DENND2B: variants seen among roughly 807,000 people sequenced by gnomAD.
DENND2B encodes DENN domain-containing protein 2B.
In DENND2B, 32 loss-of-function variants were observed where a neutral mutation model predicts 116.0. The observed-to-expected ratio is 0.28, with a 90% CI of 0.21 to 0.37. DENND2B has a LOEUF of 0.37. DENND2B is among the 10% of genes least tolerant of loss of function. DENND2B has a pLI of 1.00. For missense variants in DENND2B, 1,276 were observed against 1,477.7 expected, an observed-to-expected ratio of 0.86 and a Z score of 2.24; for synonymous variants, 588 against 583.9, an observed-to-expected ratio of 1.01 and a Z score of -0.10.
intron 1 of DENND2B, chr11:8,771,619 G>C (rs1440049069): frequency 2.7e-5 from 4 of 146,444 alleles, no homozygotes; most frequent in Admixed American, 6.9e-5. Flanking sequence ...ATTTCCTGAG[G>C]GATGGGGGTG....
intron 1 of DENND2B, among the ~76,000 whole-genome samples, chr11:8,772,128 TAC>T (rs143227157): frequency 0.37 from 54,649 of 147,032 alleles, 10,579 homozygotes; most frequent in Non-Finnish European, 0.43. Context: ...ATGGAAGCTC[TAC>T]ACACACACAC....
chr11:8,811,595 T>G, upstream of DENND2B: 1 of 360,642 alleles, frequency 2.8e-6, no homozygotes, highest in Admixed American at 4.7e-5. Flanking sequence ...ATCCTGTCCC[T>G]TCCTCTCCCC....
chr11:8,890,498 G>T (rs2064017922), intron 1 of DENND2B, among the ~76,000 whole-genome samples: 1 of 152,094 alleles, frequency 6.6e-6, no homozygotes, highest in Non-Finnish European at 1.5e-5. Flanking sequence ...CTTGAAAAAA[G>T]ATTAGACGAA....
intron 1 of DENND2B, among the ~76,000 whole-genome samples, chr11:8,897,074 C>CA (rs2064111129): frequency 6.8e-6 from 1 of 147,524 alleles, no homozygotes; most frequent in South Asian, 2.4e-4. Context: ...CCCATCTCTA[C>CA]AAAAAATACA....
At chr11:8,833,717 G>C (rs2062307031) in intron 4 of DENND2B, among the ~76,000 whole-genome samples, 1 of 152,192 alleles carries the variant, frequency 6.6e-6, no homozygotes, top group African/African-American at 2.4e-5. Flanking sequence ...CCACATGCAG[G>C]AAGAAGGCTA....
intron 17 of DENND2B, 103 bp downstream of exon 17, chr11:8,697,421 GA>G: frequency 1.2e-6 from 1 of 829,002 alleles, no homozygotes; most frequent in Non-Finnish European, 2.0e-6. Flanking sequence ...TCATCAGCCA[GA>G]AAGGGTTTGG....
At chr11:8,713,877 C>G (rs2044235299) in intron 8 of DENND2B, 121 bp downstream of exon 8, 1 of 1,046,664 alleles carries the variant, frequency 9.6e-7, no homozygotes, top group Non-Finnish European at 1.5e-6. Context: ...TCTGGCCTGT[C>G]TGTCACCTCT....
chr11:8,740,013 C>CT (rs1170030977), intron 2 of DENND2B, among the ~76,000 whole-genome samples: 1 of 151,664 alleles, frequency 6.6e-6, no homozygotes, highest in Non-Finnish European at 1.5e-5. Context: ...TGGTAAAACT[C>CT]TATCTCTACA....
At chr11:8,716,048 C>G (rs1104773) in intron 5 of DENND2B, among the ~76,000 whole-genome samples, 1 of 152,156 alleles carries the variant, frequency 6.6e-6, no homozygotes, top group Non-Finnish European at 1.5e-5. Flanking sequence ...CAGCAAAAAA[C>G]GAAAGCAGAG....
intron 2 of DENND2B, among the ~76,000 whole-genome samples, chr11:8,745,244 G>C (rs1368342720): frequency 6.6e-6 from 1 of 152,072 alleles, no homozygotes; most frequent in Non-Finnish European, 1.5e-5. Flanking sequence ...TTGTAGAGAT[G>C]GGTTTTTTCC....
chr11:8,828,583 T>C (rs569449955), intron 4 of DENND2B, among the ~76,000 whole-genome samples: 117 of 152,134 alleles, frequency 7.7e-4, no homozygotes, highest in African/African-American at 2.6e-3. Context: ...TCTCCTGCCA[T>C]GTGGGGTGGT....
intron 1 of DENND2B, among the ~76,000 whole-genome samples, chr11:8,770,327 G>T (rs975756437): frequency 2.0e-5 from 3 of 152,204 alleles, no homozygotes; most frequent in African/African-American, 7.2e-5. Context: ...GGAAGGCTAA[G>T]CATCTTGCCC....
At chr11:8,738,193 G>A (rs1179847342) in intron 2 of DENND2B, among the ~76,000 whole-genome samples, 1 of 152,186 alleles carries the variant, frequency 6.6e-6, no homozygotes, top group African/African-American at 2.4e-5. Context: ...CCTTATACTA[G>A]CACCCACTTT....
intron 1 of DENND2B, chr11:8,810,134 G>T (rs1446813339): frequency 6.6e-6 from 1 of 150,912 alleles, no homozygotes; most frequent in Non-Finnish European, 1.5e-5. Flanking sequence ...ACGAACAAGC[G>T]GCTCAAAAGG....
At chr11:8,738,415 A>G (rs1253666492) in intron 2 of DENND2B, among the ~76,000 whole-genome samples, 4 of 152,096 alleles carry the variant, frequency 2.6e-5, no homozygotes, top group African/African-American at 9.7e-5. Context: ...CAGCGCTTGG[A>G]CTTCTCTAGC....
chr11:8,884,485 T>C (rs1421431616), intron 1 of DENND2B, among the ~76,000 whole-genome samples: 2 of 152,092 alleles, frequency 1.3e-5, no homozygotes, highest in African/African-American at 4.8e-5. Context: ...AGCCACCACA[T>C]CTGATTTAGA....
chr11:8,737,281 T>C (rs2049225390), intron 2 of DENND2B, among the ~76,000 whole-genome samples: 1 of 152,142 alleles, frequency 6.6e-6, no homozygotes, highest in Non-Finnish European at 1.5e-5. Flanking sequence ...TTCCAGTGTG[T>C]TGGGGTCTGG....
At chr11:8,908,827 A>G (rs1246997394) in intron 1 of DENND2B, among the ~76,000 whole-genome samples, 1 of 152,128 alleles carries the variant, frequency 6.6e-6, no homozygotes, top group Admixed American at 6.5e-5. Context: ...ATTCTCCTTT[A>G]GTCTGATCCA....
intron 1 of DENND2B, among the ~76,000 whole-genome samples, chr11:8,895,096 G>A (rs999343299): frequency 3.2e-4 from 48 of 152,286 alleles, no homozygotes; most frequent in African/African-American, 1.1e-3. Context: ...CATGTCCTTT[G>A]TAGGGACACG....
Sources: gnomAD v4.1 joint callset for allele counts (sites outside exome capture counted in the v4.1 genomes callset) on GRCh38, gnomAD v4.1.1 for gene constraint, MANE v1.5 for transcripts, NCBI Gene and HGNC (gene_info 2026-07-23, HGNC 2026-07-21) for gene names.